ERBIN: variants seen among roughly 807,000 people sequenced by gnomAD.
The protein encoded by ERBIN is erbb2 interacting protein.
Under a neutral mutation model 158.4 loss-of-function variants are expected in ERBIN, and 60 were observed. The observed-to-expected ratio is 0.38, with a 90% confidence interval of 0.31 to 0.47. The LOEUF (loss-of-function observed/expected upper bound fraction) is 0.47. ERBIN is among the 20% of genes least tolerant of loss of function. The probability of loss-of-function intolerance (pLI) is 0.99; values close to 1 mark genes in which losing one functional copy is unlikely to be tolerated. For missense variants in ERBIN, 1,610 were observed against 1,648.0 expected, an observed-to-expected ratio of 0.98 and a Z score of 0.40; for synonymous variants, 594 against 557.2, an observed-to-expected ratio of 1.07 and a Z score of -0.93.
chr5:66,056,360 G>T (rs965962498), intron 21 of ERBIN, among the ~76,000 whole-genome samples: 1 of 152,110 alleles, frequency 6.6e-6, no homozygotes, highest in African/African-American at 2.4e-5. Context: ...AATGTCTTTG[G>T]CTATTAGTGG....
intron 4 of ERBIN, among the ~76,000 whole-genome samples, chr5:66,002,785 A>G (rs999411149): frequency 6.6e-6 from 1 of 152,226 alleles, no homozygotes; most frequent in Non-Finnish European, 1.5e-5. Flanking sequence ...GATATTACAG[A>G]TTGATGGGGA....
chr5:65,947,543 C>A (rs1484245259), intron 1 of ERBIN, among the ~76,000 whole-genome samples: 1 of 152,116 alleles, frequency 6.6e-6, no homozygotes, highest in Admixed American at 6.6e-5. Context: ...AGTAGAAAAT[C>A]AGATCCAAGG....
chr5:65,955,636 A>G (rs902225941), intron 1 of ERBIN, among the ~76,000 whole-genome samples: 16 of 152,098 alleles, frequency 1.1e-4, no homozygotes, highest in African/African-American at 3.4e-4. Flanking sequence ...CAAACAAACA[A>G]ACATCAGAAT....
At chr5:65,952,067 T>C (rs888498141) in intron 1 of ERBIN, among the ~76,000 whole-genome samples, 4 of 152,238 alleles carry the variant, frequency 2.6e-5, no homozygotes, top group African/African-American at 7.2e-5. Flanking sequence ...TTAGGACTCA[T>C]GTTCTGTGGG....
chr5:66,075,171 C>T lies in ERBIN; in HGVS notation c.3904C>T (p.Pro1302Ser), dbSNP rs1275596837. 1.2e-6 allele frequency: 2 copies of T among 1,614,118 alleles called. No homozygotes were observed. Among genetic ancestry groups the T allele is most frequent in the East Asian group, 4.5e-5 (2 of 44,874 alleles). The change falls in exon 23 of 26, where the codon CCT (proline) becomes TCT (serine). Residue 1302 changes from proline (P) to serine (S), a missense_variant. Physicochemically the swap from Pro to Ser is moderately conservative, Grantham distance 74. Coordinates refer to ENST00000284037, the MANE Select transcript of ERBIN (RefSeq NM_001253697.2). The stretch of plus-strand genomic sequence containing the variant: ...CTTGATGCTGAAAGTGGCCCACCAG[C>T]CTCCATATACACAGCCCCATTGTTC... ...DYLMLKVAHQ[P>S]PYTQPHCSPR...
intron 21 of ERBIN, among the ~76,000 whole-genome samples, chr5:66,061,682 C>T (rs577208496): frequency 0.011 from 1,697 of 152,134 alleles, 24 homozygotes; most frequent in African/African-American, 0.038. Context: ...TGGCTGGTAC[C>T]GGTTGTTCCT....
intron 1 of ERBIN, among the ~76,000 whole-genome samples, chr5:65,969,726 C>T (rs1749039103): frequency 6.6e-6 from 1 of 152,080 alleles, no homozygotes; most frequent in South Asian, 2.1e-4. Flanking sequence ...GATTTTGTGT[C>T]ACTCTAAAAC....
intron 16 of ERBIN, 143 bp downstream of exon 16, chr5:66,043,341 C>T (rs1403093951): frequency 2.7e-6 from 2 of 750,672 alleles, no homozygotes. Flanking sequence ...TTATTGATTC[C>T]AAATATTTCA....
intron 1 of ERBIN, among the ~76,000 whole-genome samples, chr5:65,979,434 G>A (rs146982355): frequency 1.3e-5 from 2 of 151,966 alleles, no homozygotes; most frequent in East Asian, 3.9e-4. Context: ...AAAAAAACCC[G>A]CAAACCAAAT....
At chr5:66,026,844 C>G (rs1006967689) in intron 13 of ERBIN, among the ~76,000 whole-genome samples, 5 of 151,942 alleles carry the variant, frequency 3.3e-5, no homozygotes, top group African/African-American at 1.2e-4. Flanking sequence ...TCTCTTCTTA[C>G]AGTTACCTTT....
chr5:65,990,526 T>A (rs1473145455), intron 2 of ERBIN, among the ~76,000 whole-genome samples: 1 of 149,832 alleles, frequency 6.7e-6, no homozygotes, highest in East Asian at 2.0e-4. Context: ...AAAAATTAGC[T>A]GGGCATGGTG....
intron 1 of ERBIN, among the ~76,000 whole-genome samples, 159 bp downstream of exon 1, chr5:65,926,965 A>T (rs1742725270): frequency 6.6e-6 from 1 of 152,000 alleles, no homozygotes; most frequent in South Asian, 2.1e-4. Context: ...TAAATAATCG[A>T]ACTGCACCCC....
intron 24 of ERBIN, chr5:66,076,669 A>G: frequency 1.7e-6 from 1 of 600,620 alleles, no homozygotes; most frequent in Non-Finnish European, 2.9e-6. Flanking sequence ...TATAAAAGTA[A>G]TTTTATTACT....
intron 14 of ERBIN, among the ~76,000 whole-genome samples, chr5:66,033,802 G>A (rs1456410716): frequency 6.6e-6 from 1 of 152,100 alleles, no homozygotes; most frequent in Non-Finnish European, 1.5e-5. Context: ...GAAAGAAGCT[G>A]TGTGAGTAAG....
At chr5:66,038,637 G>A (rs1466303040) in intron 15 of ERBIN, among the ~76,000 whole-genome samples, 155 bp downstream of exon 15, 5 of 152,186 alleles carry the variant, frequency 3.3e-5, no homozygotes, top group South Asian at 2.1e-4. Flanking sequence ...AATAGGGCAC[G>A]ATTTCAGGGG....
chr5:66,039,869 C>T (rs1013865605), intron 15 of ERBIN, among the ~76,000 whole-genome samples: 6 of 151,790 alleles, frequency 4.0e-5, no homozygotes, highest in South Asian at 4.1e-4. Flanking sequence ...ATCTTCTAAT[C>T]GGATTAGAAA....
At chr5:66,012,464 C>G (rs1422457207) in intron 5 of ERBIN, among the ~76,000 whole-genome samples, 1 of 151,558 alleles carries the variant, frequency 6.6e-6, no homozygotes, top group Non-Finnish European at 1.5e-5. Flanking sequence ...GTGGTACCTT[C>G]AAACTTTTGA....
intron 1 of ERBIN, among the ~76,000 whole-genome samples, chr5:65,970,025 C>T (rs930005235): frequency 6.6e-5 from 10 of 152,156 alleles, no homozygotes; most frequent in African/African-American, 2.4e-4. Context: ...AGTGGTTTCA[C>T]TTTTGTTACC....
intron 1 of ERBIN, among the ~76,000 whole-genome samples, chr5:65,945,100 A>G (rs1159870074): frequency 6.6e-6 from 1 of 152,224 alleles, no homozygotes; most frequent in East Asian, 1.9e-4. Flanking sequence ...TTATCTGCAA[A>G]TCTCCTCAGT....
Sources: allele counts gnomAD v4.1 joint callset (sites outside exome capture counted in the v4.1 genomes callset), GRCh38; gene constraint gnomAD v4.1.1; transcripts MANE v1.5; gene names NCBI Gene and HGNC (gene_info 2026-07-23, HGNC 2026-07-21).